ADGRB3: variants seen among roughly 807,000 people sequenced by gnomAD.
ADGRB3 encodes adhesion G protein-coupled receptor B3, also known as brain-specific angiogenesis inhibitor 3.
In ADGRB3, 37 loss-of-function variants were observed where a neutral mutation model predicts 193.4. That is an observed-to-expected ratio of 0.19 (90% CI 0.15 to 0.25). The LOEUF is 0.25. ADGRB3 is among the 10% of genes least tolerant of loss of function. ADGRB3 has a pLI of 1.00. For synonymous variants in ADGRB3, 690 were observed against 644.2 expected (o/e 1.07, Z -1.08); for missense variants, 1,637 against 1,852.9 (o/e 0.88, Z 2.14).
At chr6:68,956,291 T>TTTTA in intron 7 of ADGRB3, 103 bp downstream of exon 7, 1 of 712,334 alleles carries the variant, frequency 1.4e-6, no homozygotes, top group Non-Finnish European at 2.1e-6. Context: ...AAGATAATCA[T>TTTTA]TATATATATA....
chr6:68,786,515 C>A (rs1305424352), intron 3 of ADGRB3, among the ~76,000 whole-genome samples: 1 of 152,064 alleles, frequency 6.6e-6, no homozygotes, highest in Non-Finnish European at 1.5e-5. Flanking sequence ...TGGTCTATAT[C>A]TCTGTTTTGG....
chr6:69,301,965 A>G (rs1052363125), intron 20 of ADGRB3, among the ~76,000 whole-genome samples: 3 of 151,952 alleles, frequency 2.0e-5, no homozygotes, highest in African/African-American at 7.2e-5. Flanking sequence ...GAATAATTTA[A>G]TGTAAGCAAA....
chr6:68,810,300 A>G (rs1391757156), intron 3 of ADGRB3, among the ~76,000 whole-genome samples: 1 of 152,158 alleles, frequency 6.6e-6, no homozygotes, highest in Admixed American at 6.5e-5. Context: ...TATTCCACAA[A>G]TCCTTCTGGA....
At chr6:69,344,104 A>G (rs1454056010) in intron 26 of ADGRB3, among the ~76,000 whole-genome samples, 2 of 152,132 alleles carry the variant, frequency 1.3e-5, no homozygotes, top group Non-Finnish European at 2.9e-5. Context: ...TCAGAGGGGG[A>G]AAATCACAAG....
chr6:69,369,428 A>G (rs9346271), intron 29 of ADGRB3, among the ~76,000 whole-genome samples: 139,771 of 152,212 alleles, frequency 0.92, 64,263 homozygotes, highest in East Asian at 1. Context: ...GCTGGGGTGG[A>G]GCCTCACGCC....
chr6:68,880,906 A>G (rs1430501785), intron 3 of ADGRB3, among the ~76,000 whole-genome samples: 2 of 152,230 alleles, frequency 1.3e-5, no homozygotes, highest in Non-Finnish European at 2.9e-5. Context: ...AGGAATATAA[A>G]GGAATATAAA....
In ADGRB3 at chr6:68,652,426, C is replaced by T. The variant is rs78703940; in HGVS notation, c.757+12994C>T. Among the ~76,000 whole-genome samples the T allele has an allele frequency of 3.0e-3, 460 of 152,182 alleles. 2 individuals carry two copies. The highest frequency in any genetic ancestry group is 5.7e-3 in the Non-Finnish European group (390 of 67,986). Reference sequence around the variant, plus strand: ...CACTTTCTTCAGACTCTGTCTGGAGCGAGTTTGTCCTGAGGCCCCCTGTTG... The same window carrying T: ...CACTTTCTTCAGACTCTGTCTGGAGTGAGTTTGTCCTGAGGCCCCCTGTTG... On this transcript the variant is annotated intron_variant, in intron 3 of 31. Coordinates refer to ENST00000370598, the MANE Select transcript of ADGRB3 (RefSeq NM_001704.3).
intron 20 of ADGRB3, among the ~76,000 whole-genome samples, chr6:69,265,042 T>G (rs1052392350): frequency 2.0e-5 from 3 of 151,922 alleles, no homozygotes; most frequent in Non-Finnish European, 4.4e-5. Flanking sequence ...CTTACTGAAA[T>G]CTAGATAATA....
At chr6:69,303,587 AT>A (rs1456704460) in intron 20 of ADGRB3, among the ~76,000 whole-genome samples, 1 of 151,784 alleles carries the variant, frequency 6.6e-6, no homozygotes, top group East Asian at 1.9e-4. Flanking sequence ...ACATTCAGCA[AT>A]TTTTTTCCTG....
At chr6:68,824,831 T>A (rs1336264433) in intron 3 of ADGRB3, among the ~76,000 whole-genome samples, 3 of 151,942 alleles carry the variant, frequency 2.0e-5, no homozygotes, top group Non-Finnish European at 4.4e-5. Flanking sequence ...TGTTATAATG[T>A]GCATCCAGTA....
chr6:69,030,585 G>A (rs1195972521), intron 13 of ADGRB3, among the ~76,000 whole-genome samples: 1 of 152,104 alleles, frequency 6.6e-6, no homozygotes, highest in Non-Finnish European at 1.5e-5. Flanking sequence ...TGGACACAGG[G>A]AGGGGAACAT....
intron 3 of ADGRB3, among the ~76,000 whole-genome samples, chr6:68,792,008 T>A (rs1451714781): frequency 6.6e-6 from 1 of 152,150 alleles, no homozygotes; most frequent in Non-Finnish European, 1.5e-5. Flanking sequence ...CTGTAGTTTA[T>A]CCAGAGAAAA....
chr6:69,296,621 T>C (rs1045282544), intron 20 of ADGRB3, among the ~76,000 whole-genome samples: 1 of 152,178 alleles, frequency 6.6e-6, no homozygotes, highest in African/African-American at 2.4e-5. Flanking sequence ...TGTTCTCACT[T>C]GAGTTCTTTG....
At chr6:68,767,410 C>T (rs191350929) in intron 3 of ADGRB3, among the ~76,000 whole-genome samples, 8 of 152,160 alleles carry the variant, frequency 5.3e-5, no homozygotes, top group Non-Finnish European at 1.0e-4. Context: ...AAACATAATC[C>T]GTAACATAAA....
intron 13 of ADGRB3, among the ~76,000 whole-genome samples, chr6:69,040,697 A>AAAC (rs1562133502): frequency 3.4e-5 from 5 of 144,972 alleles, no homozygotes; most frequent in Non-Finnish European, 3.0e-5. Context: ...AAAAAAAAAA[A>AAAC]AAAAAAAAAA....
At chr6:68,872,951 C>T (rs1055287503) in intron 3 of ADGRB3, among the ~76,000 whole-genome samples, 7 of 152,018 alleles carry the variant, frequency 4.6e-5, no homozygotes, top group Non-Finnish European at 7.4e-5. Flanking sequence ...AAAATAACAA[C>T]AAAATGCCAG....
intron 26 of ADGRB3, among the ~76,000 whole-genome samples, chr6:69,349,585 TTTC>T (rs1407203200): frequency 6.6e-6 from 1 of 152,192 alleles, no homozygotes; most frequent in African/African-American, 2.4e-5. Flanking sequence ...TTGAAAAGTC[TTTC>T]ATTTCATAAT....
At chr6:69,370,114 C>A (rs1462188263) in intron 29 of ADGRB3, among the ~76,000 whole-genome samples, 4 of 152,152 alleles carry the variant, frequency 2.6e-5, no homozygotes, top group Admixed American at 6.5e-5. Context: ...AATCCCAACT[C>A]ATTTGCTTAC....
intron 20 of ADGRB3, among the ~76,000 whole-genome samples, chr6:69,266,971 G>T (rs1180668654): frequency 2.6e-5 from 4 of 152,046 alleles, no homozygotes; most frequent in Admixed American, 2.6e-4. Flanking sequence ...CCTTGCAGAA[G>T]TATTTTTTGT....
Sources: gnomAD v4.1 joint callset for allele counts (sites outside exome capture counted in the v4.1 genomes callset) on GRCh38, gnomAD v4.1.1 for gene constraint, MANE v1.5 for transcripts, NCBI Gene and HGNC (gene_info 2026-07-23, HGNC 2026-07-21) for gene names.